Variants in PAK1 observed in about 807,000 individuals in gnomAD.
PAK1 encodes the protein serine/threonine-protein kinase PAK 1.
Under a neutral mutation model 67.4 loss-of-function variants are expected in PAK1, and 29 were observed. The observed-to-expected ratio is 0.43, with a 90% CI of 0.32 to 0.59. The LOEUF (loss-of-function observed/expected upper bound fraction) is 0.59. Ranked by LOEUF, PAK1 falls within the 20% of genes least tolerant of loss-of-function variation. The pLI is 0.07. For synonymous variants in PAK1, 223 were observed against 237.4 expected, an observed-to-expected ratio of 0.94 and a Z score of 0.56; for missense variants, 337 against 670.7, an observed-to-expected ratio of 0.50 and a Z score of 5.50.
Position 77,429,056 on chromosome 11 carries a change from T to TAAA in PAK1, c.-21-36518_-21-36516dup, listed in dbSNP as rs566874549. Reference sequence around the variant, plus strand: ...TTGGATTCTAAATGCCATTTAATACTAAAAAAAAAAAAAAAAAAAAAAAAA... The same window carrying TAAA: ...TTGGATTCTAAATGCCATTTAATACTAAAAAAAAAAAAAAAAAAAAAAAAAAAA... On this transcript the variant is annotated intron_variant, in intron 1 of 14. Coordinates refer to ENST00000356341, the MANE Select transcript of PAK1 (RefSeq NM_002576.5). 2.3e-3 allele frequency among the ~76,000 whole-genome samples: 112 copies of TAAA among 48,960 alleles called. 30 individuals carry two copies. The highest frequency in any genetic ancestry group is 3.0e-3 in the Non-Finnish European group (93 of 31,474). The allele number at this position is 48,960 out of a possible 152,430, so 32.1% of individuals were successfully genotyped here. A position where few individuals can be genotyped will look rare whatever the true frequency, so the allele number is the denominator to read the frequency against.
At chr11:77,396,460 C>A (rs1254470129) in intron 1 of PAK1, among the ~76,000 whole-genome samples, 1 of 152,216 alleles carries the variant, frequency 6.6e-6, no homozygotes, top group Non-Finnish European at 1.5e-5. Context: ...ACTATAAACA[C>A]CTCAAGAACA....
chr11:77,322,533 CT>C lies in PAK1; in HGVS notation c.*740del. On this transcript the variant is annotated 3_prime_UTR_variant, in exon 15 of 15. Transcript: ENST00000356341. ...ACACTGCTCTCACTCAGTATGTGCC[CT>C]AGAAAACCTCTCAATGTTATAAACA... The C allele has an allele frequency of 5.1e-6, 1 of 194,918 alleles. No individual in the cohort carries two copies. Among genetic ancestry groups the C allele is most frequent in the African/African-American group, 2.3e-5 (1 of 43,068 alleles). 12.1% of individuals were successfully genotyped at this position (194,918 alleles called of 1,614,324 possible). A position where few individuals can be genotyped will look rare whatever the true frequency, so the allele number is the denominator to read the frequency against.
intron 2 of PAK1, among the ~76,000 whole-genome samples, chr11:77,385,683 C>T (rs1191407516): frequency 6.6e-6 from 1 of 152,076 alleles, no homozygotes; most frequent in African/African-American, 2.4e-5. Context: ...TGGTGAAACC[C>T]CGCCTCTACT....
At chr11:77,488,451 GC>G in the PAK1 span, among the ~76,000 whole-genome samples, 4 of 152,048 alleles carry the variant, frequency 2.6e-5, no homozygotes, top group Non-Finnish European at 5.9e-5. Context: ...ACTAAATCAG[GC>G]ACCAGTGACC....
Position 77,463,773 on chromosome 11 carries a change from AG to A in PAK1, c.-22+9778del, listed in dbSNP as rs543177305. Among the ~76,000 whole-genome samples, 559 of 152,292 alleles carry A rather than the reference AG, an allele frequency of 3.7e-3. 4 individuals are homozygous for A. Among genetic ancestry groups the A allele is most frequent in the Non-Finnish European group, 6.6e-3 (452 of 68,018 alleles). On this transcript the variant is annotated intron_variant, in intron 1 of 14. Transcript: ENST00000356341. ...ATATTACACAGGGTAGCGTTTTGAA[AG>A]GTCTCTTCCTCCCACTCCAACTTCA...
chr11:77,379,984 CTTTT>C lies in PAK1; in HGVS notation c.197_200del (p.Lys66ArgfsTer77). The C allele has an allele frequency of 1.2e-6, 2 of 1,612,162 alleles. No individual in the cohort carries two copies. Among genetic ancestry groups the C allele is most frequent in the Non-Finnish European group, 1.7e-6 (2 of 1,178,856 alleles). ...AAATCTCTGGCCGCTCTTTCTCTTTCTTTTTATTTGCTGCAAGAGAAACAGGCAA... is the reference window on the plus strand; with the variant it reads ...AAATCTCTGGCCGCTCTTTCTCTTTCTATTTGCTGCAAGAGAAACAGGCAA... On this transcript the variant is annotated frameshift_variant, in exon 3 of 15. Coordinates refer to ENST00000356341, the MANE Select transcript of PAK1 (RefSeq NM_002576.5). LOFTEE classifies it high-confidence loss of function.
At chr11:77,512,805 GT>G in the PAK1 span, among the ~76,000 whole-genome samples, 1 of 152,062 alleles carries the variant, frequency 6.6e-6, no homozygotes, top group African/African-American at 2.4e-5. Flanking sequence ...AGAAAATAAG[GT>G]TCCCAGGCCA....
chr11:77,527,688 C>A, the PAK1 span, among the ~76,000 whole-genome samples: 2 of 152,276 alleles, frequency 1.3e-5, no homozygotes, highest in East Asian at 3.9e-4. Context: ...GGCTTATTAA[C>A]ATTACTACAT....
chr11:77,462,819 G>A (rs1270970150), intron 1 of PAK1, among the ~76,000 whole-genome samples: 1 of 139,080 alleles, frequency 7.2e-6, no homozygotes, highest in Non-Finnish European at 1.5e-5. Context: ...GCAACAGAGC[G>A]ACCCTCCATC....
At chr11:77,432,003 GTTTTT>G (rs541049529) in intron 1 of PAK1, among the ~76,000 whole-genome samples, 1 of 151,774 alleles carries the variant, frequency 6.6e-6, no homozygotes, top group Non-Finnish European at 1.5e-5. Context: ...GCCTGTGTGG[GTTTTT>G]TTTGTCTCCT....
At chr11:77,493,650 A>G in the PAK1 span, among the ~76,000 whole-genome samples, 2 of 151,608 alleles carry the variant, frequency 1.3e-5, no homozygotes, top group Non-Finnish European at 2.9e-5. Flanking sequence ...GAAGGAAGAG[A>G]AAAAGGACTC....
At chr11:77,403,808 T>C (rs1179503397) in intron 1 of PAK1, among the ~76,000 whole-genome samples, 1 of 152,250 alleles carries the variant, frequency 6.6e-6, no homozygotes, top group African/African-American at 2.4e-5. Flanking sequence ...TTGGTTTGAA[T>C]GTGTCCCCAA....
At chr11:77,443,167 A>C (rs1323923690) in intron 1 of PAK1, among the ~76,000 whole-genome samples, 1 of 152,082 alleles carries the variant, frequency 6.6e-6, no homozygotes, top group East Asian at 1.9e-4. Context: ...TACTAAAAAT[A>C]CAAAAATTAG....
At chr11:77,509,819 C>T in the PAK1 span, among the ~76,000 whole-genome samples, 2 of 152,160 alleles carry the variant, frequency 1.3e-5, no homozygotes, top group East Asian at 3.9e-4. Context: ...AGTAAAAGCT[C>T]CCTGAGGCCT....
At chr11:77,363,224 C>T (rs1002052989) in intron 5 of PAK1, among the ~76,000 whole-genome samples, 12 of 152,082 alleles carry the variant, frequency 7.9e-5, no homozygotes, top group Non-Finnish European at 1.5e-4. Flanking sequence ...AGGCTCTGGG[C>T]AGCTCGGAAT....
chr11:77,434,314 T>C (rs554374596), intron 1 of PAK1, among the ~76,000 whole-genome samples: 1 of 152,148 alleles, frequency 6.6e-6, no homozygotes, highest in East Asian at 1.9e-4. Flanking sequence ...TACAATTACA[T>C]AGATAAACAG....
At chr11:77,416,204 C>T (rs1430615764) in intron 1 of PAK1, among the ~76,000 whole-genome samples, 1 of 152,122 alleles carries the variant, frequency 6.6e-6, no homozygotes, top group African/African-American at 2.4e-5. Context: ...GTCTCCAGCT[C>T]CTAAGCTCAA....
At chr11:77,368,554 C>T (rs1051888960) in intron 5 of PAK1, among the ~76,000 whole-genome samples, 10 of 152,144 alleles carry the variant, frequency 6.6e-5, no homozygotes, top group African/African-American at 2.2e-4. Context: ...CACAAAAATG[C>T]AAAGGGATTG....
rs34662738 is a variant in PAK1 at position 77,399,858 on chromosome 11, CAAAAAAAAAAAA to C, written c.-21-7329_-21-7318del. Among the ~76,000 whole-genome samples the C allele has an allele frequency of 5.0e-4, 21 of 42,370 alleles. 1 individual carries two copies. The highest frequency in any genetic ancestry group is 0.12 in the Middle Eastern group (2 of 16). The allele number at this position is 42,370 out of a possible 152,430, so 27.8% of individuals were successfully genotyped here. ...TGGGCGACAGAGCGAGACTCCGTCT[CAAAAAAAAAAAA>C]AAAAAAAAAAAAAAAAGAAATAAGA... On this transcript the variant is annotated intron_variant, in intron 1 of 14. Coordinates refer to ENST00000356341, the MANE Select transcript of PAK1 (RefSeq NM_002576.5).
Sources: allele counts gnomAD v4.1 joint callset (sites outside exome capture counted in the v4.1 genomes callset), GRCh38; gene constraint gnomAD v4.1.1; transcripts MANE v1.5; gene names NCBI Gene and HGNC (gene_info 2026-07-23, HGNC 2026-07-21).